KIF2A: variants seen among roughly 807,000 people sequenced by gnomAD.
KIF2A encodes kinesin family member 2A.
In KIF2A, 22 loss-of-function variants were observed where a neutral mutation model predicts 100.2. That is an observed-to-expected ratio of 0.22 (90% CI 0.16 to 0.31). The LOEUF is 0.31. KIF2A is among the 10% of genes least tolerant of loss of function. The probability of loss-of-function intolerance (pLI) is 1.00; values close to 1 mark genes in which losing one functional copy is unlikely to be tolerated. For missense variants in KIF2A, 495 were observed against 898.7 expected (o/e 0.55, Z 5.74); for synonymous variants, 268 against 285.9 (o/e 0.94, Z 0.63).
intron 1 of KIF2A, among the ~76,000 whole-genome samples, chr5:62,332,441 G>A (rs993591315): frequency 4.6e-5 from 7 of 151,812 alleles, no homozygotes; most frequent in East Asian, 1.9e-4. Flanking sequence ...CTTTAATTTC[G>A]TCCTAACAAA....
At chr5:62,358,652 A>C (rs1748233127) in intron 9 of KIF2A, among the ~76,000 whole-genome samples, 4 of 152,136 alleles carry the variant, frequency 2.6e-5, no homozygotes. Context: ...TTACCTTTTA[A>C]TCTCTGTACT....
chr5:62,333,561 G>A (rs978460747), intron 1 of KIF2A, among the ~76,000 whole-genome samples: 3 of 152,144 alleles, frequency 2.0e-5, no homozygotes, highest in South Asian at 2.1e-4. Flanking sequence ...AGTGGCCCTC[G>A]AGGAAATGAT....
At chr5:62,364,593 G>C (rs1740981814) in intron 14 of KIF2A, among the ~76,000 whole-genome samples, 1 of 152,174 alleles carries the variant, frequency 6.6e-6, no homozygotes, top group Admixed American at 6.5e-5. Context: ...AACACCAAAG[G>C]TTGGAAAGAC....
At chr5:62,341,544 C>T (rs1747293406) in intron 1 of KIF2A, among the ~76,000 whole-genome samples, 1 of 152,116 alleles carries the variant, frequency 6.6e-6, no homozygotes, top group Admixed American at 6.6e-5. Flanking sequence ...TCAAGCCATC[C>T]TCCTGCTTCT....
At chr5:62,326,776 G>A (rs1369824506) in intron 1 of KIF2A, among the ~76,000 whole-genome samples, 1 of 151,808 alleles carries the variant, frequency 6.6e-6, no homozygotes, top group Non-Finnish European at 1.5e-5. Context: ...CAGGCAGATC[G>A]CTTGAGCCCA....
At chr5:62,380,015 C>T (rs552708984) in intron 19 of KIF2A, among the ~76,000 whole-genome samples, 71 of 152,146 alleles carry the variant, frequency 4.7e-4, no homozygotes, top group Admixed American at 8.5e-4. Flanking sequence ...CCTCAGCCTC[C>T]CAAGTAACTG....
intron 1 of KIF2A, among the ~76,000 whole-genome samples, chr5:62,327,900 T>C (rs567866372): frequency 6.6e-6 from 1 of 152,254 alleles, no homozygotes; most frequent in South Asian, 2.1e-4. Context: ...TTCCACAAGA[T>C]CCCTGTCTCG....
At chr5:62,357,609 T>C in intron 7 of KIF2A, 82 bp from the exon 8 acceptor site, 1 of 674,710 alleles carries the variant, frequency 1.5e-6, no homozygotes, top group Non-Finnish European at 2.4e-6. Context: ...CTAAAACCCC[T>C]GGAGGAAATA....
intron 16 of KIF2A, among the ~76,000 whole-genome samples, chr5:62,372,086 A>G (rs1741350270): frequency 6.6e-6 from 1 of 152,196 alleles, no homozygotes; most frequent in Non-Finnish European, 1.5e-5. Context: ...ATGCTAATAA[A>G]CAAATAGTCA....
intron 20 of KIF2A, among the ~76,000 whole-genome samples, chr5:62,384,159 C>T (rs749646643): frequency 2.6e-5 from 4 of 152,178 alleles, no homozygotes; most frequent in Non-Finnish European, 5.9e-5. Flanking sequence ...ATCACTTGAA[C>T]CCGGGGCAGG....
At position 62,351,184 on chromosome 5, in the gene KIF2A, T is replaced by C. The variant is rs192050826; in HGVS notation, c.334+1064T>C. Reference sequence around the variant, plus strand: ...GAGGTGGAGGTTCAGTGAGCCGAGATTGTGCCACTGCATTCCAGCCTGGGC... The same window carrying C: ...GAGGTGGAGGTTCAGTGAGCCGAGACTGTGCCACTGCATTCCAGCCTGGGC... On this transcript the variant is annotated intron_variant, in intron 4 of 20. Transcript: ENST00000407818. Among the ~76,000 whole-genome samples the C allele has an allele frequency of 1.5e-3, 232 of 152,138 alleles. 1 individual carries two copies. Among genetic ancestry groups the C allele is most frequent in the African/African-American group, 5.4e-3 (225 of 41,518 alleles).
chr5:62,320,300 G>A (rs1746034618), intron 1 of KIF2A, among the ~76,000 whole-genome samples: 2 of 152,130 alleles, frequency 1.3e-5, no homozygotes, highest in African/African-American at 4.8e-5. Flanking sequence ...AGCCAATACT[G>A]TAGTATTTAA....
intron 1 of KIF2A, among the ~76,000 whole-genome samples, chr5:62,314,980 C>T (rs926847683): frequency 5.3e-5 from 8 of 151,772 alleles, no homozygotes; most frequent in African/African-American, 1.9e-4. Context: ...CCAGGCTGGT[C>T]TTAAACTCCT....
chr5:62,377,590 TA>T (rs984473760), intron 18 of KIF2A, 70 bp from the exon 19 acceptor site: 26 of 793,676 alleles, frequency 3.3e-5, no homozygotes, highest in Non-Finnish European at 3.6e-5. Flanking sequence ...TTTTCTAAAT[TA>T]AAAAAAACTA....
chr5:62,343,441 C>G (rs1052835360), intron 1 of KIF2A, among the ~76,000 whole-genome samples: 2 of 152,098 alleles, frequency 1.3e-5, no homozygotes, highest in African/African-American at 4.8e-5. Context: ...AGATAGGAAT[C>G]AGACAATTAA....
At chr5:62,335,070 G>A (rs1746868036) in intron 1 of KIF2A, among the ~76,000 whole-genome samples, 1 of 152,136 alleles carries the variant, frequency 6.6e-6, no homozygotes, top group Admixed American at 6.5e-5. Context: ...CTGGCCCTCA[G>A]GATTCCCACA....
At position 62,386,497 on chromosome 5, in the gene KIF2A, G is replaced by T. The variant is rs570593320; in HGVS notation, c.*928G>T. The T allele has an allele frequency of 6.6e-6, 1 of 152,280 alleles. No homozygotes were observed. Among genetic ancestry groups the T allele is most frequent in the South Asian group, 2.1e-4 (1 of 4,828 alleles). 9.4% of individuals were successfully genotyped at this position (152,280 alleles called of 1,614,324 possible). On this transcript the variant is annotated 3_prime_UTR_variant, in exon 21 of 21. Transcript: ENST00000407818. ...CCAATATCATTACTTAATTTGAAGT[G>T]TTCATTAGCACCCCAAAATATACCT...
chr5:62,372,610 T>C, intron 17 of KIF2A, 59 bp downstream of exon 17: 9 of 944,732 alleles, frequency 9.5e-6, no homozygotes. Flanking sequence ...AATTGTGCTT[T>C]GTATAAACAT....
At chr5:62,341,086 G>A (rs573867760) in intron 1 of KIF2A, among the ~76,000 whole-genome samples, 26 of 152,252 alleles carry the variant, frequency 1.7e-4, no homozygotes, top group Admixed American at 6.5e-4. Flanking sequence ...CTGGAATTTC[G>A]TATTCACTTC....
Sources: gnomAD v4.1 joint callset for allele counts (sites outside exome capture counted in the v4.1 genomes callset) on GRCh38, gnomAD v4.1.1 for gene constraint, MANE v1.5 for transcripts, NCBI Gene and HGNC (gene_info 2026-07-23, HGNC 2026-07-21) for gene names.